GPX4: variants seen among roughly 807,000 people sequenced by gnomAD.
GPX4 encodes phospholipid hydroperoxide glutathione peroxidase GPX4.
A neutral mutation model predicts 27.8 loss-of-function variants in GPX4; 28 were observed. The ratio of observed to expected loss-of-function variants is 1.01; its 90% CI spans 0.75 to 1.38. GPX4 has a LOEUF of 1.38. GPX4 is among the 40% of genes most tolerant of loss of function. GPX4 has a pLI of 0.00. For synonymous variants in GPX4, 163 were observed against 107.8 expected, an observed-to-expected ratio of 1.51 and a Z score of -3.17; for missense variants, 357 against 274.1, an observed-to-expected ratio of 1.30 and a Z score of -2.14.
Position 1,104,012 on chromosome 19 carries a change from G to A in GPX4, c.-32G>A. ...CGCGTCCATTGGTCGGCTGGACGAG[G>A]GGAGGAGCCGCTGGCTCCCAGCCCC... On this transcript the variant is annotated 5_prime_UTR_variant, in exon 1 of 7. Transcript: ENST00000354171. 2 of 1,511,526 alleles carry A rather than the reference G, an allele frequency of 1.3e-6. No individual in the cohort carries two copies. The highest frequency in any genetic ancestry group is 1.8e-6 in the Non-Finnish European group (2 of 1,135,578). The allele number at this position is 1,511,526 out of a possible 1,614,324, so 93.6% of individuals were successfully genotyped here. A position where few individuals can be genotyped will look rare whatever the true frequency, so the allele number is the denominator to read the frequency against.
intron 3 of GPX4, 57 bp from the exon 4 acceptor site, chr19:1,105,601 G>A: frequency 6.2e-7 from 1 of 1,600,062 alleles, no homozygotes; most frequent in Non-Finnish European, 8.5e-7. Flanking sequence ...GTGTGCAGGG[G>A]GCCCGGACTG....
rs768879858 is a variant in GPX4 at position 1,106,410 on chromosome 19, A to G, written c.512A>G (p.Asp171Gly). 1.9e-5 allele frequency: 30 copies of G among 1,613,398 alleles called. No homozygotes were observed. In the African/African-American group the frequency reaches 3.7e-4, roughly 20 times the overall value. ...IKWNFTKFLI[D>G]KNGCVVKRYG... Reference sequence around the variant, plus strand: ...ACCGTCTCTCCACAGTTCCTCATCGACAAGAACGGCTGCGTGGTGAAGCGC... The same window carrying G: ...ACCGTCTCTCCACAGTTCCTCATCGGCAAGAACGGCTGCGTGGTGAAGCGC... The change falls in exon 6 of 7, where the codon GAC (aspartate) becomes GGC (glycine). Residue 171 changes from aspartate (D) to glycine (G), a missense_variant. Physicochemically the swap from Asp to Gly is moderately conservative, Grantham distance 94. Transcript: ENST00000354171.
At chr19:1,104,697 G>C in intron 1 of GPX4, 1 of 984,886 alleles carries the variant, frequency 1.0e-6, no homozygotes, top group Non-Finnish European at 1.2e-6. Flanking sequence ...AGCGGCGCTC[G>C]GGGTGGGGGA....
rs1440687929 is a variant in GPX4, at chr19:1,105,220, C to G, written c.119C>G (p.Ser40Cys). The change falls in exon 2 of 7, where the codon TCC becomes TGC. Residue 40 changes from serine (S) to cysteine (C), a missense_variant. Physicochemically the swap from Ser to Cys is moderately radical, Grantham distance 112. Coordinates refer to ENST00000354171, the MANE Select transcript of GPX4 (RefSeq NM_002085.5). Reference protein sequence around the residue: ...ASRDDWRCARSMHEFSAKDID... With the variant: ...ASRDDWRCARCMHEFSAKDID... ...CGGGACGACTGGCGCTGTGCGCGCTCCATGCACGAGTTTTCCGCCAAGGAC... is the reference window on the plus strand; with the variant it reads ...CGGGACGACTGGCGCTGTGCGCGCTGCATGCACGAGTTTTCCGCCAAGGAC... The G allele has an allele frequency of 1.2e-6, 2 of 1,612,900 alleles. No homozygotes were observed. Among genetic ancestry groups the G allele is most frequent in the Non-Finnish European group, 1.7e-6 (2 of 1,179,890 alleles).
At position 1,106,650 on chromosome 19, in the gene GPX4, TGCAAACCTGCTGGTGGGGCAGACCC is replaced by T; in HGVS notation, c.*80_*104del. 1 of 1,586,656 alleles carries T rather than the reference TGCAAACCTGCTGGTGGGGCAGACCC, an allele frequency of 6.3e-7. No homozygotes were observed. The highest frequency in any genetic ancestry group is 8.6e-7 in the Non-Finnish European group (1 of 1,164,220). ...CCACCGGCACTCATGACGGCCTGCC[TGCAAACCTGCTGGTGGGGCAGACCC>T]GAAAATCCAGCGTGCACCCCGCCGG... is the stretch of plus-strand genomic sequence containing the variant. On this transcript the variant is annotated 3_prime_UTR_variant, in exon 7 of 7. Coordinates refer to ENST00000354171, the MANE Select transcript of GPX4 (RefSeq NM_002085.5).
In GPX4 at chr19:1,106,746, C is replaced by T. The variant is rs1373345829; in HGVS notation, c.*174C>T. On this transcript the variant is annotated 3_prime_UTR_variant, in exon 7 of 7. Coordinates refer to ENST00000354171, the MANE Select transcript of GPX4 (RefSeq NM_002085.5). ...TGGGCTTGGCTCGGCGCCCCCACCC[C>T]TGGCTACCTTGTGGGAATAAACAGA... The T allele has an allele frequency of 4.1e-6, 3 of 738,800 alleles. No homozygotes were observed. Among genetic ancestry groups the T allele is most frequent in the Admixed American group, 2.9e-5 (1 of 34,356 alleles). 45.8% of individuals were successfully genotyped at this position (738,800 alleles called of 1,614,324 possible). A position where few individuals can be genotyped will look rare whatever the true frequency, so the allele number is the denominator to read the frequency against.
At chr19:1,106,318 G>GTC in intron 5 of GPX4, 52 bp downstream of exon 5, 1 of 1,608,190 alleles carries the variant, frequency 6.2e-7, no homozygotes, top group East Asian at 2.2e-5. Flanking sequence ...CACAGCCGTG[G>GTC]CCCAGATGGG....
chr19:1,106,408 C>G lies in GPX4; in HGVS notation c.510C>G (p.Ile170Met), dbSNP rs745797291. 8 of 1,613,540 alleles carry G rather than the reference C, an allele frequency of 5.0e-6. No individual in the cohort carries two copies. The highest frequency in any genetic ancestry group is 6.8e-6 in the Non-Finnish European group (8 of 1,179,942). The change falls in exon 6 of 7, where the codon ATC (isoleucine) becomes ATG (methionine). Residue 170 changes from isoleucine to methionine, a missense_variant. Coordinates refer to ENST00000354171, the MANE Select transcript of GPX4 (RefSeq NM_002085.5). ...ACACCGTCTCTCCACAGTTCCTCAT[C>G]GACAAGAACGGCTGCGTGGTGAAGC... Reference protein sequence around the residue: ...AIKWNFTKFLIDKNGCVVKRY... With the variant: ...AIKWNFTKFLMDKNGCVVKRY...
Position 1,105,276 on chromosome 19 carries a change from T to C in GPX4, c.175T>C (p.Tyr59His), listed in dbSNP as rs752983685. 3 of 1,612,854 alleles carry C rather than the reference T, an allele frequency of 1.9e-6. No homozygotes were observed. Among genetic ancestry groups the C allele is most frequent in the Non-Finnish European group, 2.5e-6 (3 of 1,179,900 alleles). Residue 59 changes from tyrosine (Y) to histidine (H), a missense_variant, in exon 2 of 7, where the codon TAC (tyrosine) becomes CAC (histidine). Tyr to His is a moderately conservative substitution (Grantham distance 83, BLOSUM62 2). Transcript: ENST00000354171. Reference sequence around the variant, plus strand: ...CGGGCACATGGTTAACCTGGACAAGTACCGGTGGGCGCTCGCCTGGGGTGG... The same window carrying C: ...CGGGCACATGGTTAACCTGGACAAGCACCGGTGGGCGCTCGCCTGGGGTGG... ...IDGHMVNLDK[Y>H]RGFVCIVTNV...
rs373533365 is a variant in GPX4 at position 1,105,359 on chromosome 19, C to T, written c.180-7C>T. On this transcript the variant is annotated splice_polypyrimidine_tract_variant and splice_region_variant and intron_variant, in intron 2 of 6. Coordinates refer to ENST00000354171, the MANE Select transcript of GPX4 (RefSeq NM_002085.5). The stretch of plus-strand genomic sequence containing the variant: ...TTCTTCTGCGCTGACGCCGCCGATC[C>T]TCGCAGGGGCTTCGTGTGCATCGTC... 6 of 1,610,852 alleles carry T rather than the reference C, an allele frequency of 3.7e-6. No homozygotes were observed. The highest frequency in any genetic ancestry group is 3.3e-5 in the Admixed American group (2 of 59,964).
At position 1,105,248 on chromosome 19, in the gene GPX4, C is replaced by T. The variant is rs2079633521; in HGVS notation, c.147C>T (p.Ile49=). The change falls in exon 2 of 7, where the codon ATC becomes ATT. Residue 49 remains isoleucine, a synonymous_variant. Coordinates refer to ENST00000354171, the MANE Select transcript of GPX4 (RefSeq NM_002085.5). ...TGCACGAGTTTTCCGCCAAGGACAT[C>T]GACGGGCACATGGTTAACCTGGACA... is the stretch of plus-strand genomic sequence containing the variant. The part of the protein sequence containing the change: ...RSMHEFSAKD[I]DGHMVNLDKY... 2.5e-6 allele frequency: 4 copies of T among 1,612,982 alleles called. No individual in the cohort carries two copies. The highest frequency in any genetic ancestry group is 2.5e-6 in the Non-Finnish European group (3 of 1,179,916).
chr19:1,105,057 C>T (rs571770278), intron 1 of GPX4, 129 bp from the exon 2 acceptor site: 8 of 1,471,726 alleles, frequency 5.4e-6, no homozygotes, highest in African/African-American at 1.4e-5. Context: ...GGAGGAGGAG[C>T]GTTCAGGTCT....
At chr19:1,104,879 C>A in intron 1 of GPX4, 1 of 1,300,542 alleles carries the variant, frequency 7.7e-7, no homozygotes, top group South Asian at 1.8e-5. Context: ...GAAGCCCTGT[C>A]CCCGCAGCTT....
In GPX4 at chr19:1,106,777, T is replaced by C; in HGVS notation, c.*205T>C. 1 of 633,534 alleles carries C rather than the reference T, an allele frequency of 1.6e-6. No individual in the cohort carries two copies. The highest frequency in any genetic ancestry group is 2.0e-5 in the South Asian group (1 of 49,470). The allele number at this position is 633,534 out of a possible 1,614,324, so 39.2% of individuals were successfully genotyped here. On this transcript the variant is annotated 3_prime_UTR_variant, in exon 7 of 7. Coordinates refer to ENST00000354171, the MANE Select transcript of GPX4 (RefSeq NM_002085.5). ...ACCTTGTGGGAATAAACAGACAAAT[T>C]AGCCTGCTGGATCTTTCTGCGTAGG...
intron 5 of GPX4, 62 bp from the exon 6 acceptor site, chr19:1,106,338 G>A (rs777609968): frequency 8.5e-5 from 137 of 1,609,192 alleles, no homozygotes; most frequent in Non-Finnish European, 9.0e-5. Context: ...GCAGCGGACA[G>A]GAAGGGCAGC....
Position 1,105,509 on chromosome 19 carries a change from A to G in GPX4, c.323A>G (p.Gln108Arg). Residue 108 changes from glutamine to arginine, a missense_variant and splice_region_variant, in exon 3 of 7, where the codon CAG (glutamine) becomes CGG (arginine). Gln to Arg is a conservative substitution (Grantham distance 43, BLOSUM62 1). Coordinates refer to ENST00000354171, the MANE Select transcript of GPX4 (RefSeq NM_002085.5). ...LAFPCNQFGK[Q>R]EPGSNEEIKE... ...TTCCCGTGTAACCAGTTCGGGAAGC[A>G]GGTGGGCTGCTGCGTCCCCGGGGCC... 1.4e-6 allele frequency: 2 copies of G among 1,385,202 alleles called. No homozygotes were observed. Among genetic ancestry groups the G allele is most frequent in the Non-Finnish European group, 1.9e-6 (2 of 1,033,080 alleles). 85.8% of individuals were successfully genotyped at this position (1,385,202 alleles called of 1,614,324 possible).
chr19:1,104,861 C>T, intron 1 of GPX4: 1 of 1,189,620 alleles, frequency 8.4e-7, no homozygotes, highest in Non-Finnish European at 1.1e-6. Flanking sequence ...GGCGCGGCGC[C>T]GGCGGAAGAA....
rs1219503815 is a variant in GPX4 at position 1,105,764 on chromosome 19, G to T, written c.431G>T (p.Trp144Leu). 1 of 1,579,912 alleles carries T rather than the reference G, an allele frequency of 6.3e-7. No individual in the cohort carries two copies. The highest frequency in any genetic ancestry group is 8.6e-7 in the Non-Finnish European group (1 of 1,161,996). Reference sequence around the variant, plus strand: ...AACGGGGACGACGCCCACCCGCTGTGGAAGTGGATGAAGATCCAACCCAAG... The same window carrying T: ...AACGGGGACGACGCCCACCCGCTGTTGAAGTGGATGAAGATCCAACCCAAG... ...CVNGDDAHPL[W>L]KWMKIQPKGK... Residue 144 changes from tryptophan (W) to leucine (L), a missense_variant, in exon 4 of 7, where the codon TGG (tryptophan) becomes TTG (leucine). Physicochemically the swap from Trp to Leu is moderately conservative, Grantham distance 61 (BLOSUM62 -2). Transcript: ENST00000354171.
At chr19:1,104,963 C>T in intron 1 of GPX4, 1 of 1,482,374 alleles carries the variant, frequency 6.7e-7, no homozygotes, top group Non-Finnish European at 9.0e-7. Context: ...GCTAATGTGG[C>T]ACATTTTGGG....
Sources: gnomAD v4.1 joint callset for allele counts on GRCh38, gnomAD v4.1.1 for gene constraint, MANE v1.5 for transcripts, NCBI Gene and HGNC (gene_info 2026-07-23, HGNC 2026-07-21) for gene names.